COL24A1: variants seen among roughly 807,000 people sequenced by gnomAD.
The protein encoded by COL24A1 is collagen type XXIV alpha 1 chain.
In COL24A1, 224 loss-of-function variants were observed where a neutral mutation model predicts 253.9. That is an observed-to-expected ratio of 0.88 (90% CI 0.79 to 0.99). COL24A1 has a LOEUF of 0.99. Ranked by LOEUF, COL24A1 falls within the 50% of genes least tolerant of loss-of-function variation. The probability of loss-of-function intolerance (pLI) is 0.00; values close to 1 mark genes in which losing one functional copy is unlikely to be tolerated. For missense variants in COL24A1, 2,131 were observed against 2,068.5 expected (o/e 1.03, Z -0.59); for synonymous variants, 685 against 673.7 (o/e 1.02, Z -0.26).
intron 19 of COL24A1, among the ~76,000 whole-genome samples, chr1:85,990,972 A>T (rs1246680237): frequency 6.6e-6 from 1 of 152,240 alleles, no homozygotes; most frequent in Non-Finnish European, 1.5e-5. Flanking sequence ...GTGAAAAAGA[A>T]AGAAGAGGAT....
chr1:85,829,075 C>T (rs1489087603), intron 43 of COL24A1, among the ~76,000 whole-genome samples: 1 of 151,778 alleles, frequency 6.6e-6, no homozygotes, highest in African/African-American at 2.4e-5. Flanking sequence ...TTGTTCCTTT[C>T]CATGTTTAGC....
At chr1:85,954,536 A>C (rs1690238474) in intron 24 of COL24A1, among the ~76,000 whole-genome samples, 1 of 152,240 alleles carries the variant, frequency 6.6e-6, no homozygotes, top group Non-Finnish European at 1.5e-5. Flanking sequence ...AATAGGAATA[A>C]TAATCATTAT....
chr1:85,924,255 A>C (rs1185409669), intron 24 of COL24A1, among the ~76,000 whole-genome samples: 1 of 152,130 alleles, frequency 6.6e-6, no homozygotes, highest in Non-Finnish European at 1.5e-5. Flanking sequence ...AGAGGAGCTG[A>C]TACCATTCCT....
chr1:85,955,116 T>C (rs1690307125), intron 24 of COL24A1, among the ~76,000 whole-genome samples: 1 of 151,908 alleles, frequency 6.6e-6, no homozygotes, highest in South Asian at 2.1e-4. Context: ...CAGACACAAA[T>C]GGGTGGATGA....
rs768649063 is a variant in COL24A1, at chr1:86,125,254, ATT to A, written c.1080_1081del (p.Lys360AsnfsTer8). 1.9e-6 allele frequency: 3 copies of A among 1,613,526 alleles called. No homozygotes were observed. The highest frequency in any genetic ancestry group is 2.5e-6 in the Non-Finnish European group (3 of 1,179,776). On this transcript the variant is annotated frameshift_variant, in exon 3 of 60. Coordinates refer to ENST00000370571, the MANE Select transcript of COL24A1 (RefSeq NM_152890.7). LOFTEE classifies it high-confidence loss of function. ...AGAGCTAAATTTCTCTTTGGTATTC[ATT>A]TTTGCCTCACTGATGCGATGAGTGG...
intron 24 of COL24A1, among the ~76,000 whole-genome samples, chr1:85,914,436 C>T (rs568632949): frequency 9.4e-5 from 14 of 148,376 alleles, no homozygotes; most frequent in Non-Finnish European, 1.9e-4. Flanking sequence ...TGTCACCCAG[C>T]TTGGAGTGCA....
intron 18 of COL24A1, among the ~76,000 whole-genome samples, chr1:86,020,643 A>G (rs1697446289): frequency 1.3e-5 from 2 of 152,216 alleles, no homozygotes; most frequent in South Asian, 4.1e-4. Context: ...TTTATTAGTT[A>G]ATAGTGCCCT....
intron 24 of COL24A1, among the ~76,000 whole-genome samples, chr1:85,944,560 A>C (rs904597706): frequency 1.3e-5 from 2 of 151,898 alleles, no homozygotes; most frequent in African/African-American, 4.8e-5. Flanking sequence ...CTTCACAGGT[A>C]GGACAGACAC....
chr1:85,843,386 T>A (rs879290898), intron 39 of COL24A1, among the ~76,000 whole-genome samples: 21 of 152,200 alleles, frequency 1.4e-4, no homozygotes, highest in Non-Finnish European at 1.3e-4. Flanking sequence ...ATTCAGCCAT[T>A]ACCTAGGTGA....
chr1:86,038,160 A>T (rs1699177001), intron 12 of COL24A1, among the ~76,000 whole-genome samples: 1 of 152,110 alleles, frequency 6.6e-6, no homozygotes, highest in South Asian at 2.1e-4. Context: ...TAATAATGGA[A>T]AATGCTTGTC....
At chr1:85,762,633 A>T (rs1666954063) in intron 53 of COL24A1, among the ~76,000 whole-genome samples, 1 of 152,236 alleles carries the variant, frequency 6.6e-6, no homozygotes, top group South Asian at 2.1e-4. Context: ...GCTGCAGGGT[A>T]GCTGACAGAA....
At chr1:85,952,057 C>T (rs1331781059) in intron 24 of COL24A1, among the ~76,000 whole-genome samples, 1 of 152,090 alleles carries the variant, frequency 6.6e-6, no homozygotes, top group Non-Finnish European at 1.5e-5. Context: ...AAAAAAGAGA[C>T]ATTTCATAAA....
intron 19 of COL24A1, among the ~76,000 whole-genome samples, chr1:86,009,778 CAT>C (rs1476674831): frequency 1.3e-5 from 2 of 152,078 alleles, no homozygotes; most frequent in African/African-American, 2.4e-5. Flanking sequence ...CACCACAAAA[CAT>C]GTGAGTAATG....
intron 24 of COL24A1, among the ~76,000 whole-genome samples, chr1:85,934,560 A>T (rs1028252800): frequency 6.6e-6 from 1 of 152,192 alleles, no homozygotes; most frequent in Non-Finnish European, 1.5e-5. Context: ...TGAATAAGGT[A>T]CTATAGTAGT....
chr1:86,023,085 T>A, intron 14 of COL24A1, 78 bp from the exon 15 acceptor site: 1 of 1,399,666 alleles, frequency 7.1e-7, no homozygotes, highest in Non-Finnish European at 9.9e-7. Flanking sequence ...ATTAATAAAT[T>A]AATGAACCCA....
intron 2 of COL24A1, among the ~76,000 whole-genome samples, chr1:86,136,976 TGAG>T: frequency 8.7e-6 from 1 of 114,632 alleles, no homozygotes; most frequent in East Asian, 2.3e-4. Context: ...TGACTGGAGC[TGAG>T]GAGAACTGCA....
At chr1:85,775,552 TTTA>T (rs1474048178) in intron 53 of COL24A1, 119 bp downstream of exon 53, 13 of 804,278 alleles carry the variant, frequency 1.6e-5, no homozygotes, top group Non-Finnish European at 2.6e-5. Flanking sequence ...CAACTGCAAT[TTTA>T]TTTTTATTCT....
chr1:85,748,470 T>C (rs1324785018), intron 55 of COL24A1, among the ~76,000 whole-genome samples: 1 of 152,172 alleles, frequency 6.6e-6, no homozygotes, highest in Non-Finnish European at 1.5e-5. Context: ...AATTCTCTCT[T>C]AGGCAAGTTA....
At position 85,847,664 on chromosome 1, in the gene COL24A1, C is replaced by T; in HGVS notation, c.3462+1G>A. ...ATTCTGGAAGCAAGTCAAATACTGA[C>T]CACAGCACCTCTAGTTCCTCTGGCA... is the stretch of plus-strand genomic sequence containing the variant. On this transcript the variant is annotated splice_donor_variant, in intron 39 of 59. Transcript: ENST00000370571. LOFTEE classifies it high-confidence loss of function. The T allele has an allele frequency of 6.2e-7, 1 of 1,611,564 alleles. No individual in the cohort carries two copies. Among genetic ancestry groups the T allele is most frequent in the African/African-American group, 1.3e-5 (1 of 74,980 alleles).
Sources: allele counts gnomAD v4.1 joint callset (sites outside exome capture counted in the v4.1 genomes callset), GRCh38; gene constraint gnomAD v4.1.1; transcripts MANE v1.5; gene names NCBI Gene and HGNC (gene_info 2026-07-23, HGNC 2026-07-21).